The following PIK3C2G variants were observed in gnomAD, a reference collection of about 807,000 sequenced individuals.
The protein encoded by PIK3C2G is phosphatidylinositol-4-phosphate 3-kinase catalytic subunit type 2 gamma.
PIK3C2G carries 168 observed loss-of-function variants against 181.1 expected under a neutral mutation model. The observed-to-expected ratio is 0.93, with a 90% CI of 0.82 to 1.05. PIK3C2G has a LOEUF of 1.05. Ranked by LOEUF, PIK3C2G falls within the 50% of genes least tolerant of loss-of-function variation. The probability of loss-of-function intolerance (pLI) is 0.00; values close to 1 mark genes in which losing one functional copy is unlikely to be tolerated. For synonymous variants in PIK3C2G, 573 were observed against 592.2 expected (o/e 0.97, Z 0.47); for missense variants, 1,869 against 1,732.8 (o/e 1.08, Z -1.40).
intron 18 of PIK3C2G, among the ~76,000 whole-genome samples, chr12:18,464,577 C>A (rs1042320947): frequency 2.6e-5 from 4 of 152,070 alleles, no homozygotes; most frequent in Non-Finnish European, 5.9e-5. Flanking sequence ...TCTTTCTCAT[C>A]AGAAGAAGAA....
chr12:18,325,138 G>A (rs77216941), intron 8 of PIK3C2G, 40 bp downstream of exon 8: 21 of 1,133,378 alleles, frequency 1.9e-5, no homozygotes, highest in East Asian at 1.4e-4. Flanking sequence ...TTCAGTAAGC[G>A]TTTTTAACGC....
At chr12:18,557,414 G>T (rs545316958) in intron 26 of PIK3C2G, among the ~76,000 whole-genome samples, 1 of 151,928 alleles carries the variant, frequency 6.6e-6, no homozygotes, top group East Asian at 1.9e-4. Flanking sequence ...GAAAATATAT[G>T]ATCACCTAAA....
chr12:18,504,514 AT>A (rs1248668870), intron 23 of PIK3C2G, among the ~76,000 whole-genome samples: 2 of 152,166 alleles, frequency 1.3e-5, no homozygotes, highest in African/African-American at 4.8e-5. Flanking sequence ...GCACCCTAGC[AT>A]GTAGCCTGGT....
chr12:18,615,365 G>GTA lies in PIK3C2G; in HGVS notation c.4182+5737_4182+5738insAT, dbSNP rs1565565027. On this transcript the variant is annotated intron_variant, in intron 31 of 32. Coordinates refer to ENST00000538779, the MANE Select transcript of PIK3C2G (RefSeq NM_001288772.2). ...TGTGTGTGTGTGTGTGTGTGTGTGT[G>GTA]TGTGTATGTGTATATATATATATCA... Among the ~76,000 whole-genome samples, 56 of 127,158 alleles carry GTA rather than the reference G, an allele frequency of 4.4e-4. 1 individual carries two copies. The East Asian group carries it at 6.3e-3, about 14-fold the overall frequency. 83.4% of individuals were successfully genotyped at this position (127,158 alleles called of 152,430 possible).
intron 26 of PIK3C2G, among the ~76,000 whole-genome samples, chr12:18,554,786 A>G (rs907263683): frequency 6.6e-6 from 1 of 152,114 alleles, no homozygotes; most frequent in Non-Finnish European, 1.5e-5. Flanking sequence ...TCAATGCCGA[A>G]CTACTGATTT....
At chr12:18,427,923 G>C (rs1945928114) in intron 18 of PIK3C2G, among the ~76,000 whole-genome samples, 1 of 152,134 alleles carries the variant, frequency 6.6e-6, no homozygotes, top group Non-Finnish European at 1.5e-5. Flanking sequence ...AATAAAACAG[G>C]AAGGAGTTTT....
chr12:18,490,404 T>C (rs1940450283), intron 19 of PIK3C2G, among the ~76,000 whole-genome samples: 2 of 152,172 alleles, frequency 1.3e-5, no homozygotes, highest in South Asian at 4.1e-4. Flanking sequence ...TAATTTTCAA[T>C]TTTAAAATGC....
At chr12:18,622,913 AGAGTT>A (rs1481425530) in intron 31 of PIK3C2G, among the ~76,000 whole-genome samples, 1 of 151,640 alleles carries the variant, frequency 6.6e-6, no homozygotes, top group East Asian at 1.9e-4. Flanking sequence ...TTCTTTCTAT[AGAGTT>A]GAGTTCCTTA....
chr12:18,539,802 T>C (rs1015505971), intron 25 of PIK3C2G, among the ~76,000 whole-genome samples: 2 of 151,936 alleles, frequency 1.3e-5, no homozygotes, highest in African/African-American at 4.8e-5. Flanking sequence ...TATAAACATG[T>C]CCTTCATATG....
At chr12:18,400,646 A>G (rs1000376995) in intron 16 of PIK3C2G, among the ~76,000 whole-genome samples, 1 of 152,042 alleles carries the variant, frequency 6.6e-6, no homozygotes, top group Non-Finnish European at 1.5e-5. Flanking sequence ...ACCTAAACTG[A>G]CTTTTAAAGA....
intron 24 of PIK3C2G, among the ~76,000 whole-genome samples, chr12:18,529,597 ACAT>A (rs1367004282): frequency 1.3e-5 from 2 of 152,298 alleles, no homozygotes; most frequent in South Asian, 2.1e-4. Context: ...TGAAAATCAA[ACAT>A]CATTCATTTT....
At chr12:18,691,443 A>G in the PIK3C2G span, among the ~76,000 whole-genome samples, 10 of 152,300 alleles carry the variant, frequency 6.6e-5, no homozygotes, top group African/African-American at 2.2e-4. Flanking sequence ...ATGAATGTTT[A>G]TGTAACAGAA....
At chr12:18,353,477 T>C (rs1411492233) in intron 11 of PIK3C2G, among the ~76,000 whole-genome samples, 3 of 152,190 alleles carry the variant, frequency 2.0e-5, no homozygotes, top group African/African-American at 4.8e-5. Flanking sequence ...AAATTAAACC[T>C]TGTGTGGGAG....
chr12:18,245,454 TA>T (rs1470589244), upstream of PIK3C2G, among the ~76,000 whole-genome samples: 2 of 151,100 alleles, frequency 1.3e-5, no homozygotes, highest in African/African-American at 4.8e-5. Flanking sequence ...TTACTTCATT[TA>T]AAAAATCTGT....
chr12:18,435,266 A>C (rs955674088), intron 18 of PIK3C2G, among the ~76,000 whole-genome samples: 4 of 151,982 alleles, frequency 2.6e-5, no homozygotes, highest in Non-Finnish European at 4.4e-5. Flanking sequence ...TTTTCTCATA[A>C]ATTTGTCTTT....
chr12:18,641,464 T>C (rs7978645), intron 32 of PIK3C2G, among the ~76,000 whole-genome samples: 76,293 of 151,926 alleles, frequency 0.5, 20,259 homozygotes, highest in East Asian at 0.77. Flanking sequence ...ACCTCCGTTT[T>C]GCTTTTTGAG....
intron 15 of PIK3C2G, among the ~76,000 whole-genome samples, chr12:18,399,178 G>C (rs1944084386): frequency 8.0e-6 from 1 of 124,402 alleles, no homozygotes; most frequent in Non-Finnish European, 1.7e-5. Context: ...CTGGGTGACA[G>C]AGCGAGACTC....
At chr12:18,725,108 C>T in the PIK3C2G span, among the ~76,000 whole-genome samples, 1 of 151,954 alleles carries the variant, frequency 6.6e-6, no homozygotes, top group African/African-American at 2.4e-5. Context: ...AAGAAGAATT[C>T]AAAGTCAAAT....
chr12:18,390,633 C>A (rs1004596137), intron 14 of PIK3C2G, among the ~76,000 whole-genome samples: 1 of 152,060 alleles, frequency 6.6e-6, no homozygotes. Context: ...AGAGCTCACT[C>A]ATGTGTACAT....
Sources: allele counts gnomAD v4.1 joint callset (sites outside exome capture counted in the v4.1 genomes callset), GRCh38; gene constraint gnomAD v4.1.1; transcripts MANE v1.5; gene names NCBI Gene and HGNC (gene_info 2026-07-23, HGNC 2026-07-21).